The following ME3 variants were observed in gnomAD, a reference collection of about 807,000 sequenced individuals.
ME3 encodes the protein malic enzyme 3, also known as NADP-dependent malic enzyme, mitochondrial.
Under a neutral mutation model 68.9 loss-of-function variants are expected in ME3, and 48 were observed. That is an observed-to-expected ratio of 0.70 (90% confidence interval 0.55 to 0.89). The LOEUF is 0.89. ME3 is among the 40% of genes least tolerant of loss of function. The pLI is 0.00. For synonymous variants in ME3, 320 were observed against 318.8 expected, an observed-to-expected ratio of 1.00 and a Z score of -0.04; for missense variants, 675 against 797.4, an observed-to-expected ratio of 0.85 and a Z score of 1.85.
chr11:86,566,701 G>A (rs1416202797), intron 2 of ME3, among the ~76,000 whole-genome samples: 1 of 152,128 alleles, frequency 6.6e-6, no homozygotes, highest in Non-Finnish European at 1.5e-5. Flanking sequence ...TTCCACGGCT[G>A]TTACTTCACA....
chr11:86,454,721 T>C (rs1949818879), intron 8 of ME3, among the ~76,000 whole-genome samples: 1 of 152,258 alleles, frequency 6.6e-6, no homozygotes, highest in African/African-American at 2.4e-5. Flanking sequence ...GCTTAAGCAC[T>C]AACCTATGTT....
intron 6 of ME3, among the ~76,000 whole-genome samples, chr11:86,490,143 G>A (rs1490346612): frequency 2.0e-5 from 3 of 152,136 alleles, no homozygotes; most frequent in Non-Finnish European, 4.4e-5. Context: ...TAGGTGTGGG[G>A]GAGGGTGTAG....
intron 2 of ME3, among the ~76,000 whole-genome samples, chr11:86,637,964 G>GCA (rs1479767533): frequency 4.2e-5 from 3 of 70,686 alleles, no homozygotes; most frequent in South Asian, 5.4e-4. Context: ...ACATGCTCAT[G>GCA]CATACACACA....
At chr11:86,631,162 A>G (rs1943989876) in intron 2 of ME3, among the ~76,000 whole-genome samples, 1 of 152,200 alleles carries the variant, frequency 6.6e-6, no homozygotes, top group South Asian at 2.1e-4. Context: ...CCCTCTTAAC[A>G]AGCAGTTACA....
At chr11:86,585,722 G>GA (rs1466896214) in intron 2 of ME3, among the ~76,000 whole-genome samples, 11 of 152,106 alleles carry the variant, frequency 7.2e-5, no homozygotes, top group African/African-American at 2.4e-4. Context: ...GATGGCAATT[G>GA]AAACGATAAT....
At chr11:86,559,707 C>T (rs1213582279) in exon 3 of ME3, 1 of 1,613,554 alleles carries the variant, frequency 6.2e-7, no homozygotes, top group African/African-American at 1.3e-5. Flanking sequence ...GGTCACTCTG[C>T]TGCCGCTCGT....
chr11:86,535,442 A>G (rs987270362), intron 4 of ME3, among the ~76,000 whole-genome samples: 1 of 152,206 alleles, frequency 6.6e-6, no homozygotes, highest in African/African-American at 2.4e-5. Flanking sequence ...TTCCAGAACC[A>G]AGGATTCTGG....
At chr11:86,446,985 A>G (rs967571546) in intron 12 of ME3, 80 bp downstream of exon 12, 2 of 1,520,740 alleles carry the variant, frequency 1.3e-6, no homozygotes, top group South Asian at 2.5e-5. Context: ...ATGTAGGAGT[A>G]TTTTTCACCC....
At chr11:86,528,859 G>A (rs1425732869) in intron 4 of ME3, among the ~76,000 whole-genome samples, 1 of 152,110 alleles carries the variant, frequency 6.6e-6, no homozygotes, top group East Asian at 1.9e-4. Context: ...TCAAAGCAGT[G>A]TGTAGAGGGA....
At chr11:86,520,673 A>G (rs967291424) in intron 4 of ME3, among the ~76,000 whole-genome samples, 5 of 152,184 alleles carry the variant, frequency 3.3e-5, no homozygotes, top group Admixed American at 1.3e-4. Context: ...CTTGAAGCTC[A>G]GAAGGGCAGG....
intron 2 of ME3, among the ~76,000 whole-genome samples, chr11:86,601,883 G>A (rs1345192591): frequency 1.4e-5 from 2 of 147,004 alleles, no homozygotes; most frequent in African/African-American, 5.0e-5. Flanking sequence ...TGCAGAAAAG[G>A]CCTTTGACAA....
At chr11:86,612,697 C>A (rs1478678956) in intron 2 of ME3, among the ~76,000 whole-genome samples, 2 of 151,994 alleles carry the variant, frequency 1.3e-5, no homozygotes, top group Non-Finnish European at 2.9e-5. Flanking sequence ...GATTGTTGGC[C>A]ATGTAAATGT....
chr11:86,595,038 G>A (rs1959198705), intron 2 of ME3, among the ~76,000 whole-genome samples: 2 of 145,072 alleles, frequency 1.4e-5, no homozygotes, highest in South Asian at 4.6e-4. Context: ...AAAGCTCCTG[G>A]TCAACTATAG....
intron 2 of ME3, among the ~76,000 whole-genome samples, chr11:86,670,085 T>G (rs548754591): frequency 2.0e-5 from 3 of 152,196 alleles, no homozygotes; most frequent in Non-Finnish European, 4.4e-5. Flanking sequence ...AGGGGTGGGC[T>G]CTGACCGGCT....
intron 13 of ME3, among the ~76,000 whole-genome samples, chr11:86,445,586 T>G (rs762559125): frequency 6.6e-6 from 1 of 152,254 alleles, no homozygotes; most frequent in Admixed American, 6.5e-5. Context: ...GAGACATTTC[T>G]ATGCCTTGCT....
At chr11:86,569,327 A>C (rs1354621912) in intron 2 of ME3, among the ~76,000 whole-genome samples, 1 of 152,114 alleles carries the variant, frequency 6.6e-6, no homozygotes, top group Non-Finnish European at 1.5e-5. Flanking sequence ...CCACACATGC[A>C]TTCTGGCTGT....
At chr11:86,533,431 A>C (rs1350919510) in intron 4 of ME3, among the ~76,000 whole-genome samples, 1 of 152,210 alleles carries the variant, frequency 6.6e-6, no homozygotes, top group African/African-American at 2.4e-5. Flanking sequence ...AGTACCTGCC[A>C]AGACTGAATC....
intron 2 of ME3, among the ~76,000 whole-genome samples, chr11:86,590,555 G>C (rs539958332): frequency 6.6e-6 from 1 of 152,282 alleles, no homozygotes; most frequent in East Asian, 1.9e-4. Context: ...AAGTAGGACA[G>C]GCATGGAGGC....
intron 12 of ME3, chr11:86,446,747 C>T (rs1293072467): frequency 8.4e-6 from 5 of 594,548 alleles, no homozygotes; most frequent in Non-Finnish European, 1.5e-5. Flanking sequence ...CTGGTGGGGC[C>T]AACCCAGGAC....
Sources: gnomAD v4.1 joint callset for allele counts (sites outside exome capture counted in the v4.1 genomes callset) on GRCh38, gnomAD v4.1.1 for gene constraint, MANE v1.5 for transcripts, NCBI Gene and HGNC (gene_info 2026-07-23, HGNC 2026-07-21) for gene names.